TTLL2: variants seen among roughly 807,000 people sequenced by gnomAD.
TTLL2 encodes probable tubulin polyglutamylase TTLL2.
In TTLL2, 10 loss-of-function variants were observed where a neutral mutation model predicts 7.5. The ratio of observed to expected loss-of-function variants is 1.33; its 90% CI spans 0.82 to 2.25. TTLL2 has a LOEUF of 2.25. Among genes scored for constraint, TTLL2 ranks in the 30% most tolerant of loss-of-function variants. The probability of loss-of-function intolerance (pLI) is 0.00; values close to 1 mark genes in which losing one functional copy is unlikely to be tolerated. For missense variants in TTLL2, 733 were observed against 735.7 expected (o/e 1.00, Z 0.04); for synonymous variants, 284 against 280.3 (o/e 1.01, Z -0.13).
chr6:167,340,843 G>T lies in TTLL2; in HGVS notation c.943G>T (p.Val315Leu), dbSNP rs760130812. Residue 315 changes from valine to leucine, a missense_variant, in exon 3 of 3, where the codon GTG (valine) becomes TTG (leucine). Transcript: ENST00000239587. ...GGCCTCTTATGAGAAGATCAAAGAA[G>T]TGATTGGTCATGGTTGTAAATGGAC... is the stretch of plus-strand genomic sequence containing the variant. ...SGASYEKIKEVIGHGCKWTLS... is the reference protein window; with the variant it reads ...SGASYEKIKELIGHGCKWTLS... 4.3e-6 allele frequency: 7 copies of T among 1,614,182 alleles called. No individual in the cohort carries two copies. The highest frequency in any genetic ancestry group is 5.9e-6 in the Non-Finnish European group (7 of 1,180,044).
At chr6:167,326,355 T>A (rs1778847984) in intron 1 of TTLL2, among the ~76,000 whole-genome samples, 1 of 152,178 alleles carries the variant, frequency 6.6e-6, no homozygotes, top group Non-Finnish European at 1.5e-5. Context: ...AGGAAGTTTT[T>A]TTAAGTTGGT....
chr6:167,336,980 G>A (rs1778991437), intron 1 of TTLL2, among the ~76,000 whole-genome samples: 1 of 152,114 alleles, frequency 6.6e-6, no homozygotes, highest in Non-Finnish European at 1.5e-5. Flanking sequence ...GCCACACCAT[G>A]ACCCACACCC....
intron 1 of TTLL2, among the ~76,000 whole-genome samples, chr6:167,328,626 A>C (rs779279165): frequency 2.6e-5 from 4 of 152,186 alleles, no homozygotes; most frequent in Non-Finnish European, 5.9e-5. Flanking sequence ...ATGGTGGCTT[A>C]GTACTGAATG....
In TTLL2 at chr6:167,340,899, C is replaced by A; in HGVS notation, c.999C>A (p.Ser333Arg). 2 of 1,614,146 alleles carry A rather than the reference C, an allele frequency of 1.2e-6. No homozygotes were observed. The highest frequency in any genetic ancestry group is 1.7e-6 in the Non-Finnish European group (2 of 1,180,036). ...GCAGATTTTTTTCCTACCTTCGTAG[C>A]TGGGATGTGGACGATCTGCTTTTGT... ...TLSRFFSYLR[S>R]WDVDDLLLWK... Residue 333 changes from serine (S) to arginine (R), a missense_variant, in exon 3 of 3, where the codon AGC (serine) becomes AGA (arginine). Coordinates refer to ENST00000239587, the MANE Select transcript of TTLL2 (RefSeq NM_031949.5).
At position 167,340,286 on chromosome 6, in the gene TTLL2, C is replaced by T. The variant is rs149637219; in HGVS notation, c.386C>T (p.Ser129Phe). 1.2e-4 allele frequency: 189 copies of T among 1,613,992 alleles called. 2 individuals carry two copies. The highest frequency in any genetic ancestry group is 5.1e-4 in the South Asian group (46 of 91,068). ...EDWNLYWRTS[S>F]FRMTEHNSVK... Reference sequence around the variant, plus strand: ...TGGAACCTGTACTGGAGGACATCCTCTTTCCGAATGACCGAACACAACAGT... The same window carrying T: ...TGGAACCTGTACTGGAGGACATCCTTTTTCCGAATGACCGAACACAACAGT... Residue 129 changes from serine to phenylalanine, a missense_variant, in exon 3 of 3, where the codon TCT becomes TTT. Transcript: ENST00000239587.
At chr6:167,330,214 G>T (rs913016789) in intron 1 of TTLL2, among the ~76,000 whole-genome samples, 2 of 152,188 alleles carry the variant, frequency 1.3e-5, no homozygotes, top group African/African-American at 4.8e-5. Context: ...AATGGGAATT[G>T]TGTGTCTGTA....
In TTLL2 at chr6:167,338,700, A is replaced by G. The variant is rs1583112502; in HGVS notation, c.101A>G (p.Asn34Ser). 1 of 1,614,126 alleles carries G rather than the reference A, an allele frequency of 6.2e-7. No homozygotes were observed. The highest frequency in any genetic ancestry group is 1.3e-5 in the African/African-American group (1 of 75,042). ...AFTLNIPSEANHTEQPPAGLG... is the reference protein window; with the variant it reads ...AFTLNIPSEASHTEQPPAGLG... The stretch of plus-strand genomic sequence containing the variant: ...ACCCTTAACATTCCATCCGAGGCAA[A>G]CCACACTGAGCAGCCGCCTGCAGGC... The change falls in exon 2 of 3, where the codon AAC becomes AGC. Residue 34 changes from asparagine to serine, a missense_variant. Physicochemically the swap from Asn to Ser is conservative, Grantham distance 46. Transcript: ENST00000239587.
At chr6:167,339,593 G>A (rs1554246458) in intron 2 of TTLL2, among the ~76,000 whole-genome samples, 1 of 152,144 alleles carries the variant, frequency 6.6e-6, no homozygotes, top group Non-Finnish European at 1.5e-5. Context: ...GGTCAGGTGG[G>A]TGCATGGGGA....
chr6:167,337,212 C>G (rs189422971), intron 1 of TTLL2, among the ~76,000 whole-genome samples: 240 of 152,328 alleles, frequency 1.6e-3, no homozygotes, highest in African/African-American at 5.6e-3. Context: ...AGAAAAAGTT[C>G]TTGAGTATGC....
chr6:167,337,093 A>T (rs1369537464), intron 1 of TTLL2, among the ~76,000 whole-genome samples: 1 of 152,014 alleles, frequency 6.6e-6, no homozygotes, highest in Non-Finnish European at 1.5e-5. Flanking sequence ...AACAAACCGC[A>T]CATGCTTTCC....
At chr6:167,340,020 C>G in intron 2 of TTLL2, 85 bp from the exon 3 acceptor site, 4 of 1,458,056 alleles carry the variant, frequency 2.7e-6, no homozygotes, top group Non-Finnish European at 3.7e-6. Flanking sequence ...CAGCTGGCAG[C>G]ACCGGGTGCA....
chr6:167,338,045 C>T (rs928153733), intron 1 of TTLL2, among the ~76,000 whole-genome samples: 1 of 151,640 alleles, frequency 6.6e-6, no homozygotes, highest in Non-Finnish European at 1.5e-5. Context: ...CAATACAACA[C>T]ACACTCATAC....
At position 167,341,827 on chromosome 6, in the gene TTLL2, A is replaced by G; in HGVS notation, c.*148A>G. 1.2e-6 allele frequency: 1 copy of G among 833,212 alleles called. No individual in the cohort carries two copies. The highest frequency in any genetic ancestry group is 1.8e-6 in the Non-Finnish European group (1 of 553,888). 51.6% of individuals were successfully genotyped at this position (833,212 alleles called of 1,614,324 possible). A position where few individuals can be genotyped will look rare whatever the true frequency, so the allele number is the denominator to read the frequency against. ...ACTGAAGATGTGGCCATATGTATAA[A>G]TATAACAGCTCTGACAAAGCACAAT... On this transcript the variant is annotated 3_prime_UTR_variant, in exon 3 of 3. Transcript: ENST00000239587.
At chr6:167,325,310 C>A in intron 1 of TTLL2, 90 bp downstream of exon 1, 1 of 1,317,922 alleles carries the variant, frequency 7.6e-7, no homozygotes, top group Non-Finnish European at 1.0e-6. Flanking sequence ...GCACAGGGGC[C>A]AGGGTCACTA....
intron 1 of TTLL2, among the ~76,000 whole-genome samples, chr6:167,331,705 T>G (rs1562370407): frequency 6.6e-6 from 1 of 152,106 alleles, no homozygotes; most frequent in Non-Finnish European, 1.5e-5. Context: ...AACCCCAACT[T>G]AGGAGTATGC....
At chr6:167,325,343 A>AC in intron 1 of TTLL2, 123 bp downstream of exon 1, 1 of 975,426 alleles carries the variant, frequency 1.0e-6, no homozygotes, top group South Asian at 1.8e-5. Flanking sequence ...GTGCACTGGG[A>AC]CCCCCGAGGG....
rs1760079168 is a variant in TTLL2, at chr6:167,342,151, A to T, written c.*472A>T. ...AGATCAGACAATCATTCAGAGTGAG[A>T]TAAATCACTGAAAGCCCTAATGACT... is the stretch of plus-strand genomic sequence containing the variant. On this transcript the variant is annotated 3_prime_UTR_variant, in exon 3 of 3. Transcript: ENST00000239587. Among the ~76,000 whole-genome samples, 1 of 152,224 alleles carries T rather than the reference A, an allele frequency of 6.6e-6. No homozygotes were observed. The highest frequency in any genetic ancestry group is 2.4e-5 in the African/African-American group (1 of 41,436).
chr6:167,331,662 T>C (rs2115212872), intron 1 of TTLL2, among the ~76,000 whole-genome samples: 1 of 152,304 alleles, frequency 6.6e-6, no homozygotes, highest in African/African-American at 2.4e-5. Flanking sequence ...TACTTTTATA[T>C]TTGAGTCCTT....
At position 167,338,704 on chromosome 6, in the gene TTLL2, C is replaced by T; in HGVS notation, c.105C>T (p.His35=). The T allele has an allele frequency of 6.2e-7, 1 of 1,614,180 alleles. No individual in the cohort carries two copies. Among genetic ancestry groups the T allele is most frequent in the South Asian group, 1.1e-5 (1 of 91,078 alleles). The change falls in exon 2 of 3, where the codon CAC becomes CAT. Residue 35 remains histidine, a synonymous_variant. Transcript: ENST00000239587. ...TTAACATTCCATCCGAGGCAAACCACACTGAGCAGCCGCCTGCAGGCCTGG... is the reference window on the plus strand; with the variant it reads ...TTAACATTCCATCCGAGGCAAACCATACTGAGCAGCCGCCTGCAGGCCTGG... ...FTLNIPSEAN[H]TEQPPAGLGA... is the part of the protein sequence containing the mutation.
Sources: gnomAD v4.1 joint callset for allele counts (sites outside exome capture counted in the v4.1 genomes callset) on GRCh38, gnomAD v4.1.1 for gene constraint, MANE v1.5 for transcripts, NCBI Gene and HGNC (gene_info 2026-07-23, HGNC 2026-07-21) for gene names.